Variants in EYS observed in about 807,000 individuals in gnomAD.
EYS encodes EGF-like photoreceptor maintenance factor, also known as protein eyes shut homolog.
EYS carries 250 observed loss-of-function variants against 282.1 expected under a neutral mutation model. That is an observed-to-expected ratio of 0.89 (90% CI 0.80 to 0.98). The LOEUF is 0.98. Ranked by LOEUF, EYS falls within the 50% of genes least tolerant of loss-of-function variation. The pLI, the probability that EYS is intolerant of heterozygous loss-of-function variation, is 0.00. For synonymous variants in EYS, 1,355 were observed against 1,282.9 expected (o/e 1.06, Z -1.20); for missense variants, 4,016 against 3,709.0 (o/e 1.08, Z -2.15).
intron 16 of EYS, among the ~76,000 whole-genome samples, chr6:64,910,620 T>A (rs925864122): frequency 6.6e-6 from 1 of 151,994 alleles, no homozygotes; most frequent in Admixed American, 6.6e-5. Flanking sequence ...CGTACAATAA[T>A]AAAATACTAA....
chr6:65,383,132 A>C (rs1765678997), intron 8 of EYS, among the ~76,000 whole-genome samples: 1 of 151,998 alleles, frequency 6.6e-6, no homozygotes, highest in Non-Finnish European at 1.5e-5. Context: ...CATTTCTACA[A>C]AACATTTGTT....
intron 22 of EYS, among the ~76,000 whole-genome samples, chr6:64,795,762 A>G (rs1297769029): frequency 6.6e-6 from 1 of 152,188 alleles, no homozygotes; most frequent in East Asian, 1.9e-4. Context: ...GTATCCCCTA[A>G]TGAGCTGTGA....
chr6:64,160,653 G>A (rs182177546), intron 31 of EYS, among the ~76,000 whole-genome samples: 11 of 152,258 alleles, frequency 7.2e-5, no homozygotes, highest in African/African-American at 1.7e-4. Context: ...TCTTTTCAAT[G>A]CAGACATTTC....
intron 10 of EYS, among the ~76,000 whole-genome samples, chr6:65,340,873 C>T (rs1770174540): frequency 6.6e-6 from 1 of 151,052 alleles, no homozygotes; most frequent in South Asian, 2.1e-4. Context: ...AATGCCCTCA[C>T]TCTCAAGGCT....
chr6:64,176,042 G>A (rs1329249473), intron 31 of EYS, among the ~76,000 whole-genome samples: 1 of 152,026 alleles, frequency 6.6e-6, no homozygotes, highest in African/African-American at 2.4e-5. Context: ...AAACATGATG[G>A]TAAGGGTTGG....
intron 28 of EYS, among the ~76,000 whole-genome samples, chr6:64,394,395 C>T (rs1220292138): frequency 6.6e-6 from 1 of 152,244 alleles, no homozygotes; most frequent in Admixed American, 6.5e-5. Flanking sequence ...TACAAGGCTA[C>T]AGTAACCAAA....
intron 12 of EYS, among the ~76,000 whole-genome samples, chr6:65,096,347 G>A (rs891901834): frequency 6.6e-6 from 1 of 150,610 alleles, no homozygotes; most frequent in African/African-American, 2.4e-5. Flanking sequence ...AATTTTAAAA[G>A]ACATAAATAC....
intron 19 of EYS, among the ~76,000 whole-genome samples, chr6:64,882,415 T>A (rs1212856515): frequency 6.6e-6 from 1 of 151,724 alleles, no homozygotes; most frequent in East Asian, 1.9e-4. Flanking sequence ...GAATTTTAAA[T>A]CTTGTCACAT....
Position 64,423,450 on chromosome 6 carries a change from C to A in EYS, c.5927+12724G>T, listed in dbSNP as rs374545666. On this transcript the variant is annotated intron_variant, in intron 28 of 42. Transcript: ENST00000503581. ...CAATGTTTCTAATTAGTTCTAATTA[C>A]TGACAGACATGTAGTAGGTAGTGTT... 1.2e-4 allele frequency among the ~76,000 whole-genome samples: 19 copies of A among 152,252 alleles called. No homozygotes were observed. In the East Asian group the frequency reaches 3.3e-3, roughly 26 times the overall value.
At chr6:65,203,506 C>A (rs1370749757) in intron 12 of EYS, among the ~76,000 whole-genome samples, 10 of 152,074 alleles carry the variant, frequency 6.6e-5, no homozygotes, top group Non-Finnish European at 4.4e-5. Flanking sequence ...AGAGCCTTGG[C>A]CCCATAAACG....
rs186804751 is a variant in EYS, at chr6:64,489,276, T to C, written c.5645-49924A>G. ...TAAAATCTAACTTCAAAATACTTTT[T>C]GCTAAGTGGATTTTAACTGTGGTTA... On this transcript the variant is annotated intron_variant, in intron 26 of 42. Coordinates refer to ENST00000503581, the MANE Select transcript of EYS (RefSeq NM_001142800.2). 4.5e-3 allele frequency among the ~76,000 whole-genome samples: 684 copies of C among 150,912 alleles called. 2 individuals carry two copies. The highest frequency in any genetic ancestry group is 6.9e-3 in the Non-Finnish European group (463 of 67,116).
intron 19 of EYS, among the ~76,000 whole-genome samples, chr6:64,865,453 C>A (rs963826099): frequency 6.6e-6 from 1 of 151,934 alleles, no homozygotes; most frequent in Non-Finnish European, 1.5e-5. Flanking sequence ...GGAGAAAAAA[C>A]GAAGTGTTTT....
At chr6:65,188,869 C>T (rs187677081) in intron 12 of EYS, among the ~76,000 whole-genome samples, 1 of 151,120 alleles carries the variant, frequency 6.6e-6, no homozygotes, top group East Asian at 2.0e-4. Context: ...TTCTTAGGGG[C>T]TTCAGAGGGA....
At chr6:64,727,389 G>A (rs1190895770) in intron 22 of EYS, among the ~76,000 whole-genome samples, 1 of 151,840 alleles carries the variant, frequency 6.6e-6, no homozygotes, top group Non-Finnish European at 1.5e-5. Context: ...TTATTTCTTT[G>A]CATACATATA....
intron 22 of EYS, among the ~76,000 whole-genome samples, chr6:64,770,748 G>A (rs573708144): frequency 6.6e-6 from 1 of 151,922 alleles, no homozygotes; most frequent in Admixed American, 6.6e-5. Context: ...TATTCATAAA[G>A]GAACCTCAAA....
At chr6:64,031,062 C>T (rs1265882571) in intron 33 of EYS, among the ~76,000 whole-genome samples, 1 of 152,250 alleles carries the variant, frequency 6.6e-6, no homozygotes, top group Non-Finnish European at 1.5e-5. Context: ...TTTGGCAGCA[C>T]ATGGGGAGCT....
chr6:65,072,051 G>C lies in EYS; in HGVS notation c.2024-14324C>G, dbSNP rs1013108719. Among the ~76,000 whole-genome samples, 4 of 151,682 alleles carry C rather than the reference G, an allele frequency of 2.6e-5. No homozygotes were observed. In the Admixed American group the frequency reaches 2.6e-4, roughly 10 times the overall value. ...ACCCAGTCTTAAGTATTCTGTTACAGTACAAAATGGACTAAGACAAATAGT... is the reference window on the plus strand; with the variant it reads ...ACCCAGTCTTAAGTATTCTGTTACACTACAAAATGGACTAAGACAAATAGT... On this transcript the variant is annotated intron_variant, in intron 12 of 42. Coordinates refer to ENST00000503581, the MANE Select transcript of EYS (RefSeq NM_001142800.2).
intron 8 of EYS, among the ~76,000 whole-genome samples, chr6:65,370,235 T>C (rs564338623): frequency 6.7e-6 from 1 of 150,268 alleles, no homozygotes; most frequent in South Asian, 2.1e-4. Flanking sequence ...TTCTTTCCTT[T>C]CTATTTCTTT....
chr6:63,959,613 A>T (rs572856668), intron 35 of EYS, among the ~76,000 whole-genome samples: 1 of 152,336 alleles, frequency 6.6e-6, no homozygotes, highest in East Asian at 1.9e-4. Context: ...GAACCAACCC[A>T]AATGTCCATC....
Sources: allele counts gnomAD v4.1 joint callset (sites outside exome capture counted in the v4.1 genomes callset), GRCh38; gene constraint gnomAD v4.1.1; transcripts MANE v1.5; gene names NCBI Gene and HGNC (gene_info 2026-07-23, HGNC 2026-07-21).